STARD13: variants seen among roughly 807,000 people sequenced by gnomAD.
STARD13 encodes the protein StAR related lipid transfer domain containing 13.
A neutral mutation model predicts 106.4 loss-of-function variants in STARD13; 62 were observed. The ratio of observed to expected loss-of-function variants is 0.58; its 90% CI spans 0.48 to 0.72. The LOEUF is 0.72. Among genes scored for constraint, STARD13 ranks in the 30% least tolerant of loss-of-function variants. The probability of loss-of-function intolerance (pLI) is 0.00; values close to 1 mark genes in which losing one functional copy is unlikely to be tolerated. For missense variants in STARD13, 1,387 were observed against 1,424.0 expected, an observed-to-expected ratio of 0.97 and a Z score of 0.42; for synonymous variants, 565 against 553.0, an observed-to-expected ratio of 1.02 and a Z score of -0.31.
intron 3 of STARD13, among the ~76,000 whole-genome samples, chr13:33,148,844 T>C (rs1880890732): frequency 1.3e-5 from 2 of 152,220 alleles, no homozygotes; most frequent in Admixed American, 1.3e-4. Flanking sequence ...GGATAAACTG[T>C]GGTCCATGTG....
chr13:33,243,323 G>A (rs1054618181), intron 1 of STARD13, among the ~76,000 whole-genome samples: 2 of 152,188 alleles, frequency 1.3e-5, no homozygotes, highest in Non-Finnish European at 2.9e-5. Context: ...AGGCATCAAA[G>A]AGAGGCATTT....
chr13:33,523,454 T>A, the STARD13 span, among the ~76,000 whole-genome samples: 2 of 152,128 alleles, frequency 1.3e-5, no homozygotes, highest in Non-Finnish European at 2.9e-5. Context: ...TATTACCTTT[T>A]TACATTGTAA....
chr13:33,369,493 G>A, the STARD13 span, among the ~76,000 whole-genome samples: 15 of 152,074 alleles, frequency 9.9e-5, no homozygotes, highest in South Asian at 4.1e-4. Context: ...AGTTAAGAAC[G>A]TTTTCTAATG....
the STARD13 span, among the ~76,000 whole-genome samples, chr13:33,546,003 A>C: frequency 2.6e-5 from 4 of 152,242 alleles, no homozygotes; most frequent in Non-Finnish European, 5.9e-5. Context: ...GACTAAAAGT[A>C]ATTAGTATTT....
chr13:33,461,643 GT>G, the STARD13 span, among the ~76,000 whole-genome samples: 11 of 151,998 alleles, frequency 7.2e-5, no homozygotes, highest in Admixed American at 2.0e-4. Flanking sequence ...GCTTATTATG[GT>G]TTTTTGCTTA....
the STARD13 span, among the ~76,000 whole-genome samples, chr13:33,433,883 G>A: frequency 6.6e-6 from 1 of 152,090 alleles, no homozygotes; most frequent in African/African-American, 2.4e-5. Context: ...GGAAGGCACT[G>A]TTTTTCTTCT....
the STARD13 span, among the ~76,000 whole-genome samples, chr13:33,502,382 C>A: frequency 2.0e-5 from 3 of 152,166 alleles, no homozygotes; most frequent in Admixed American, 2.0e-4. Flanking sequence ...TTATTTCTTT[C>A]TTCTGCCTGA....
Position 33,192,678 on chromosome 13 carries a change from C to G in STARD13, c.170-25056G>C, listed in dbSNP as rs566782411. On this transcript the variant is annotated intron_variant, in intron 1 of 13. Coordinates refer to ENST00000336934, the MANE Select transcript of STARD13 (RefSeq NM_178006.4). The stretch of plus-strand genomic sequence containing the variant: ...ATTTGGGAGGCCAAGGTGGGCGGAT[C>G]ACCTGAGGTCGGGAGTTCAAGACCA... 1.6e-4 allele frequency among the ~76,000 whole-genome samples: 25 copies of G among 152,230 alleles called. No individual in the cohort carries two copies. In the South Asian group the frequency reaches 2.1e-3, roughly 13 times the overall value.
the STARD13 span, among the ~76,000 whole-genome samples, chr13:33,675,026 C>G: frequency 6.6e-6 from 1 of 152,204 alleles, no homozygotes; most frequent in Non-Finnish European, 1.5e-5. Context: ...CACCTACATC[C>G]TGGGTGTCCT....
chr13:33,262,216 T>G (rs561762774), intron 1 of STARD13, among the ~76,000 whole-genome samples: 1 of 152,328 alleles, frequency 6.6e-6, no homozygotes, highest in Admixed American at 6.5e-5. Flanking sequence ...GAATTCAAAG[T>G]GATGAATAGG....
chr13:33,437,326 T>C, the STARD13 span, among the ~76,000 whole-genome samples: 6 of 152,076 alleles, frequency 3.9e-5, no homozygotes, highest in Non-Finnish European at 5.9e-5. Flanking sequence ...CTCCTTAGAG[T>C]TGTGAGCCCT....
At chr13:33,294,396 T>C (rs1343777824) in intron 1 of STARD13, among the ~76,000 whole-genome samples, 2 of 152,182 alleles carry the variant, frequency 1.3e-5, no homozygotes, top group African/African-American at 2.4e-5. Context: ...ATCTTCTGAG[T>C]TGATCACCCA....
chr13:33,419,704 A>G, the STARD13 span, among the ~76,000 whole-genome samples: 1 of 152,246 alleles, frequency 6.6e-6, no homozygotes, highest in Non-Finnish European at 1.5e-5. Flanking sequence ...AAGCAGCCAG[A>G]GAGAAAGGTC....
chr13:33,371,592 C>T, the STARD13 span, among the ~76,000 whole-genome samples: 3 of 152,202 alleles, frequency 2.0e-5, no homozygotes, highest in Admixed American at 6.5e-5. Flanking sequence ...GTAAAAACGA[C>T]ACTGCACGGA....
chr13:33,445,344 A>G, the STARD13 span, among the ~76,000 whole-genome samples: 1 of 152,192 alleles, frequency 6.6e-6, no homozygotes, highest in African/African-American at 2.4e-5. Flanking sequence ...TTCAAACTCA[A>G]TAGGTTATAT....
the STARD13 span, among the ~76,000 whole-genome samples, chr13:33,499,604 T>TTCTTTCTTCTTCTTC: frequency 3.0e-4 from 12 of 39,872 alleles, no homozygotes; most frequent in South Asian, 1.1e-3. Context: ...CTTCTTCTTC[T>TTCTTTCTTCTTCTTC]TTCTTCTTCT....
chr13:33,289,788 T>A (rs915616111), upstream of STARD13, among the ~76,000 whole-genome samples: 7 of 152,062 alleles, frequency 4.6e-5, no homozygotes, highest in African/African-American at 1.7e-4. Flanking sequence ...CCTTAGTCAA[T>A]CAATAGAAGC....
chr13:33,442,795 G>A, the STARD13 span, among the ~76,000 whole-genome samples: 1 of 151,966 alleles, frequency 6.6e-6, no homozygotes. Context: ...AATTGATGAG[G>A]CAAAAAATGA....
intron 1 of STARD13, among the ~76,000 whole-genome samples, chr13:33,322,543 C>T (rs1272959417): frequency 3.3e-5 from 5 of 152,190 alleles, no homozygotes; most frequent in Non-Finnish European, 7.3e-5. Context: ...TACATCTGCT[C>T]ATAAAAATGT....
Sources: gnomAD v4.1 joint callset for allele counts (sites outside exome capture counted in the v4.1 genomes callset) on GRCh38, gnomAD v4.1.1 for gene constraint, MANE v1.5 for transcripts, NCBI Gene and HGNC (gene_info 2026-07-23, HGNC 2026-07-21) for gene names.